Variants in CAMKV observed in about 807,000 individuals in gnomAD.
The protein encoded by CAMKV is caM kinase-like vesicle-associated protein.
Under a neutral mutation model 50.2 loss-of-function variants are expected in CAMKV, and 5 were observed. The ratio of observed to expected loss-of-function variants is 0.10; its 90% CI spans 0.05 to 0.21. CAMKV has a LOEUF of 0.21. Among genes scored for constraint, CAMKV ranks in the 10% least tolerant of loss-of-function variants. CAMKV has a pLI of 1.00. For missense variants in CAMKV, 361 were observed against 650.5 expected, an observed-to-expected ratio of 0.55 and a Z score of 4.84; for synonymous variants, 229 against 250.1, an observed-to-expected ratio of 0.92 and a Z score of 0.80.
At position 49,861,086 on chromosome 3, in the gene CAMKV, C is replaced by T. The variant is rs1303068168; in HGVS notation, c.563-68G>A. The T allele has an allele frequency of 2.5e-6, 4 of 1,607,772 alleles. No homozygotes were observed. Among genetic ancestry groups the T allele is most frequent in the Non-Finnish European group, 3.4e-6 (4 of 1,176,650 alleles). On this transcript the variant is annotated intron_variant, in intron 6 of 10. Coordinates refer to ENST00000477224, the MANE Select transcript of CAMKV (RefSeq NM_024046.5). This position sits in a 1 kb window ranked among gnomAD's most constrained non-coding sequence, Gnocchi z 7.7. ...CCAGGTCCAGTACCATCCACACCAGCTTCCTGAGATGAGCACATTTTCCCC... is the reference window on the plus strand; with the variant it reads ...CCAGGTCCAGTACCATCCACACCAGTTTCCTGAGATGAGCACATTTTCCCC...
rs1374335752 is a variant in CAMKV, at chr3:49,869,557, C to G, written c.-15+201G>C. Among the ~76,000 whole-genome samples the G allele has an allele frequency of 1.3e-5, 2 of 152,098 alleles. No homozygotes were observed. The highest frequency in any genetic ancestry group is 2.9e-5 in the Non-Finnish European group (2 of 68,000). On this transcript the variant is annotated intron_variant, in intron 1 of 10. Coordinates refer to ENST00000477224, the MANE Select transcript of CAMKV (RefSeq NM_024046.5). This position sits in a 1 kb window ranked among gnomAD's most constrained non-coding sequence, Gnocchi z 5.2. ...TTCCCCCCAGAACCCCCAAGCCGTC[C>G]GAGGTAATGGGGAACTTTAGCCCGA...
rs1263560212 is a variant in CAMKV at position 49,858,773 on chromosome 3, A to C, written c.*545T>G. ...CCATGTGCCAAGTCTGGACTTAAAC[A>C]TACTGCCCTACCTTTCTGCATCCTC... On this transcript the variant is annotated 3_prime_UTR_variant, in exon 11 of 11. Coordinates refer to ENST00000477224, the MANE Select transcript of CAMKV (RefSeq NM_024046.5). 1 of 172,632 alleles carries C rather than the reference A, an allele frequency of 5.8e-6. No individual in the cohort carries two copies. Among genetic ancestry groups the C allele is most frequent in the East Asian group, 1.6e-4 (1 of 6,274 alleles). 10.7% of individuals were successfully genotyped at this position (172,632 alleles called of 1,614,324 possible). A position where few individuals can be genotyped will look rare whatever the true frequency, so the allele number is the denominator to read the frequency against.
At chr3:49,867,866 C>T (rs142734585) in intron 1 of CAMKV, among the ~76,000 whole-genome samples, 3 of 152,248 alleles carry the variant, frequency 2.0e-5, no homozygotes, top group East Asian at 1.9e-4. Context: ...GGGAGGTGGA[C>T]GGGAGTTCTG....
chr3:49,859,356 C>A lies in CAMKV; in HGVS notation c.1468G>T (p.Gly490Cys), dbSNP rs1245564647. The A allele has an allele frequency of 1.3e-6, 2 of 1,550,092 alleles. No individual in the cohort carries two copies. Among genetic ancestry groups the A allele is most frequent in the Non-Finnish European group, 8.7e-7 (1 of 1,146,744 alleles). The change falls in exon 11 of 11, where the codon GGT (glycine) becomes TGT (cysteine). Residue 490 changes from glycine to cysteine, a missense_variant. Physicochemically the swap from Gly to Cys is radical, Grantham distance 159. This residue lies in a region of CAMKV where 75 missense variants were observed against 84.2 expected (regional missense o/e 0.89). Coordinates refer to ENST00000477224, the MANE Select transcript of CAMKV (RefSeq NM_024046.5). This position sits in a 1 kb window ranked among gnomAD's most constrained non-coding sequence, Gnocchi z 5.5. The stretch of plus-strand genomic sequence containing the variant: ...TCCCTTTGAGACTCCTGGGCATAAC[C>A]AGCAGCCTCTTCCCCTTTACTAGAG... ...PPSSKGEEAA[G>C]YAQESQREEA...
chr3:49,866,848 T>C (rs897516593), intron 1 of CAMKV, among the ~76,000 whole-genome samples: 17 of 152,240 alleles, frequency 1.1e-4, no homozygotes, highest in Non-Finnish European at 2.9e-5. Flanking sequence ...AGGCCCCACA[T>C]TGGGGTCCTG....
Position 49,859,706 on chromosome 3 carries a change from G to T in CAMKV, c.1118C>A (p.Ala373Asp). 6.2e-7 allele frequency: 1 copy of T among 1,609,276 alleles called. No individual in the cohort carries two copies. Among genetic ancestry groups the T allele is most frequent in the Non-Finnish European group, 8.5e-7 (1 of 1,177,244 alleles). ...TSAPEGDAAR[A>D]AKSDNVAPAD... ...GGGGGCCACATTATCACTCTTTGCA[G>T]CACGAGCAGCATCACCCTCAGGGGC... The change falls in exon 11 of 11, where the codon GCT (alanine) becomes GAT (aspartate). Residue 373 changes from alanine (A) to aspartate (D), a missense_variant. Physicochemically the swap from Ala to Asp is moderately radical, Grantham distance 126. Coordinates refer to ENST00000477224, the MANE Select transcript of CAMKV (RefSeq NM_024046.5). The surrounding 1 kb of genome is among the most constrained non-coding windows in gnomAD (Gnocchi z 5.5).
chr3:49,861,387 C>G lies in CAMKV; in HGVS notation c.441+52G>C. ...CCAAGGCCCTGAGGTGCTGCCCACCCCAGCACCAGCCCAGCTGCCAACTGG... is the reference window on the plus strand; with the variant it reads ...CCAAGGCCCTGAGGTGCTGCCCACCGCAGCACCAGCCCAGCTGCCAACTGG... On this transcript the variant is annotated intron_variant, in intron 5 of 10. Transcript: ENST00000477224. The surrounding 1 kb of genome is among the most constrained non-coding windows in gnomAD (Gnocchi z 7.7). 6.2e-7 allele frequency: 1 copy of G among 1,613,128 alleles called. No homozygotes were observed. The highest frequency in any genetic ancestry group is 1.1e-5 in the South Asian group (1 of 91,046).
rs1353718228 is a variant in CAMKV at position 49,860,322 on chromosome 3, C to T, written c.855-64G>A. The T allele has an allele frequency of 1.9e-6, 3 of 1,563,270 alleles. No homozygotes were observed. Among genetic ancestry groups the T allele is most frequent in the Non-Finnish European group, 1.8e-6 (2 of 1,134,512 alleles). On this transcript the variant is annotated intron_variant, in intron 9 of 10. Coordinates refer to ENST00000477224, the MANE Select transcript of CAMKV (RefSeq NM_024046.5). This position sits in a 1 kb window ranked among gnomAD's most constrained non-coding sequence, Gnocchi z 6.1. The stretch of plus-strand genomic sequence containing the variant: ...AGCCTTTGTGGAGACTCTGCTCAGC[C>T]CTTCTATGTGGCATCCAGGGACTAC...
Position 49,858,995 on chromosome 3 carries a change from A to T in CAMKV, c.*323T>A. 1 of 252,036 alleles carries T rather than the reference A, an allele frequency of 4.0e-6. No homozygotes were observed. The highest frequency in any genetic ancestry group is 7.4e-5 in the East Asian group (1 of 13,534). 15.6% of individuals were successfully genotyped at this position (252,036 alleles called of 1,614,324 possible). ...AATGGTGAGGCAAGAAGGGAAGGGG[A>T]AGGAGAGCAGGAGCCCCCTGAGTAT... On this transcript the variant is annotated 3_prime_UTR_variant, in exon 11 of 11. Transcript: ENST00000477224.
Position 49,863,842 on chromosome 3 carries a change from G to A in CAMKV, c.-14-1440C>T, listed in dbSNP as rs553145845. Among the ~76,000 whole-genome samples, 5 of 151,522 alleles carry A rather than the reference G, an allele frequency of 3.3e-5. No individual in the cohort carries two copies. The South Asian group carries it at 1.0e-3, about 32-fold the overall frequency. On this transcript the variant is annotated intron_variant, in intron 1 of 10. Transcript: ENST00000477224. ...CTGGCTAATTTTTAAAAATTTTTTT[G>A]TAGATACAGGATTTCATTACGTTGC...
In CAMKV at chr3:49,861,773, C is replaced by G. The variant is rs1045910390; in HGVS notation, c.302+18G>C. On this transcript the variant is annotated intron_variant, in intron 4 of 10. Transcript: ENST00000477224. This position sits in a 1 kb window ranked among gnomAD's most constrained non-coding sequence, Gnocchi z 7.7. The stretch of plus-strand genomic sequence containing the variant: ...CCCTGGGCGCTGGGGAATCTTGGGT[C>G]CCCAGACCCACACTCACAGCTCCAG... The G allele has an allele frequency of 1.2e-6, 2 of 1,613,194 alleles. No individual in the cohort carries two copies. The highest frequency in any genetic ancestry group is 1.7e-5 in the Admixed American group (1 of 60,022).
chr3:49,864,281 T>C (rs1352610484), intron 1 of CAMKV, among the ~76,000 whole-genome samples: 1 of 152,164 alleles, frequency 6.6e-6, no homozygotes. Context: ...GCAGGTGTAC[T>C]GGTCAGGAAG....
rs766380276 is a variant in CAMKV at position 49,861,327 on chromosome 3, G to A, written c.442-27C>T. 1.2e-6 allele frequency: 2 copies of A among 1,614,014 alleles called. No homozygotes were observed. The highest frequency in any genetic ancestry group is 2.2e-5 in the South Asian group (2 of 91,066). ...TGTGGTGTGAGAATAGCATGTGGGT[G>A]AGCAGAAGACACCATGAGGACCTTG... On this transcript the variant is annotated intron_variant, in intron 5 of 10. Coordinates refer to ENST00000477224, the MANE Select transcript of CAMKV (RefSeq NM_024046.5). The surrounding 1 kb of genome is among the most constrained non-coding windows in gnomAD (Gnocchi z 7.7).
chr3:49,861,262 C>T lies in CAMKV; in HGVS notation c.480G>A (p.Ser160=), dbSNP rs200717131. ...GATGGAAGTCACTGATGACAATCTT[C>T]GAGTTCTTCAGCCGGTTGTAGTAAA... ...NLVYYNRLKN[S]KIVISDFHLA... The change falls in exon 6 of 11, where the codon TCG becomes TCA. Residue 160 remains serine (S), a synonymous_variant. Coordinates refer to ENST00000477224, the MANE Select transcript of CAMKV (RefSeq NM_024046.5). This position sits in a 1 kb window ranked among gnomAD's most constrained non-coding sequence, Gnocchi z 7.7. The T allele has an allele frequency of 2.8e-4, 448 of 1,614,070 alleles. No homozygotes were observed. Among genetic ancestry groups the T allele is most frequent in the South Asian group, 1.2e-3 (105 of 91,084 alleles).
Position 49,862,276 on chromosome 3 carries a change from GAC to G in CAMKV, c.95+16_95+17del, listed in dbSNP as rs750796355. On this transcript the variant is annotated intron_variant, in intron 2 of 10. Transcript: ENST00000477224. The surrounding 1 kb of genome is among the most constrained non-coding windows in gnomAD (Gnocchi z 5.2). ...CTCACCAGCCCACCCAGCCTTGCCT[GAC>G]AGGCCCGGCACTCACGTCTTGATGA... is the stretch of plus-strand genomic sequence containing the variant. 1.6e-4 allele frequency: 252 copies of G among 1,614,040 alleles called. No homozygotes were observed. Among genetic ancestry groups the G allele is most frequent in the Non-Finnish European group, 1.9e-4 (220 of 1,180,016 alleles).
intron 1 of CAMKV, among the ~76,000 whole-genome samples, chr3:49,863,866 G>A (rs1052210761): frequency 1.3e-5 from 2 of 151,980 alleles, no homozygotes; most frequent in Non-Finnish European, 2.9e-5. Context: ...TCATTACGTT[G>A]CCCAGGCTGT....
chr3:49,861,268 C>T lies in CAMKV; in HGVS notation c.474G>A (p.Lys158=). The change falls in exon 6 of 11, where the codon AAG becomes AAA. Residue 158 remains lysine (K), a synonymous_variant. Transcript: ENST00000477224. The surrounding 1 kb of genome is among the most constrained non-coding windows in gnomAD (Gnocchi z 7.7). The part of the protein sequence containing the change: ...LENLVYYNRL[K]NSKIVISDFH... ...AGTCACTGATGACAATCTTCGAGTT[C>T]TTCAGCCGGTTGTAGTAAACCAGGT... is the stretch of plus-strand genomic sequence containing the variant. The T allele has an allele frequency of 6.2e-7, 1 of 1,614,134 alleles. No homozygotes were observed. The highest frequency in any genetic ancestry group is 8.5e-7 in the Non-Finnish European group (1 of 1,180,036).
Position 49,858,940 on chromosome 3 carries a change from A to C in CAMKV, c.*378T>G, listed in dbSNP as rs1319401588. ...GCCGCCCAAGTTTAGGGCCTGGGAG[A>C]GTGTGGGACCTGCAGGGCCTGCCTA... On this transcript the variant is annotated 3_prime_UTR_variant, in exon 11 of 11. Transcript: ENST00000477224. 5.1e-6 allele frequency: 1 copy of C among 194,622 alleles called. No individual in the cohort carries two copies. The highest frequency in any genetic ancestry group is 2.3e-5 in the African/African-American group (1 of 42,926). 12.1% of individuals were successfully genotyped at this position (194,622 alleles called of 1,614,324 possible).
intron 1 of CAMKV, among the ~76,000 whole-genome samples, chr3:49,868,138 T>C (rs989078758): frequency 6.6e-6 from 1 of 152,048 alleles, no homozygotes; most frequent in Non-Finnish European, 1.5e-5. Context: ...CACGGCAGCT[T>C]AGGTAAAGCA....
Sources: gnomAD v4.1 joint callset for allele counts (sites outside exome capture counted in the v4.1 genomes callset) on GRCh38, gnomAD v4.1.1 for gene constraint, gnomAD v4.1.1 regional missense constraint, Gnocchi (gnomAD v3.1) non-coding constraint, MANE v1.5 for transcripts, NCBI Gene and HGNC (gene_info 2026-07-23, HGNC 2026-07-21) for gene names.